CFTR: variants seen among roughly 807,000 people sequenced by gnomAD.
CFTR encodes the protein CF transmembrane conductance regulator.
In CFTR, 181 loss-of-function variants were observed where a neutral mutation model predicts 171.6. The observed-to-expected ratio is 1.05, with a 90% CI of 0.93 to 1.19. The LOEUF (loss-of-function observed/expected upper bound fraction) is 1.19, where lower values mean the gene tolerates loss of function less well. CFTR is among the 50% of genes most tolerant of loss of function. The pLI is 0.00. For synonymous variants in CFTR, 583 were observed against 608.0 expected (o/e 0.96, Z 0.60); for missense variants, 1,968 against 1,734.7 (o/e 1.13, Z -2.39).
chr7:117,655,874 A>G (rs1229103253), intron 24 of CFTR, among the ~76,000 whole-genome samples: 1 of 152,124 alleles, frequency 6.6e-6, no homozygotes, highest in Non-Finnish European at 1.5e-5. Flanking sequence ...CTGTGTTGTT[A>G]CATGGCAGAA....
chr7:117,483,844 G>T (rs574404838), intron 1 of CFTR, among the ~76,000 whole-genome samples: 1 of 152,210 alleles, frequency 6.6e-6, no homozygotes, highest in South Asian at 2.1e-4. Context: ...AAAGTGCTGG[G>T]ATTACAGGCG....
At chr7:117,658,493 T>G (rs1584845664) in intron 24 of CFTR, among the ~76,000 whole-genome samples, 1 of 152,188 alleles carries the variant, frequency 6.6e-6, no homozygotes, top group East Asian at 1.9e-4. Context: ...TTGGCTTTAA[T>G]TAATATCTCT....
chr7:117,542,812 T>G (rs1191129761), intron 9 of CFTR, among the ~76,000 whole-genome samples: 3 of 152,156 alleles, frequency 2.0e-5, no homozygotes, highest in Non-Finnish European at 4.4e-5. Context: ...CTTGCAAGTT[T>G]GTTGTGAAGA....
At chr7:117,592,719 T>A (rs1302370916) in intron 14 of CFTR, 62 bp downstream of exon 14, 1 of 1,367,592 alleles carries the variant, frequency 7.3e-7, no homozygotes, top group Non-Finnish European at 9.6e-7. Context: ...GAATGCAATA[T>A]GTAGCATGTA....
intron 22 of CFTR, among the ~76,000 whole-genome samples, chr7:117,633,174 T>C (rs1792776175): frequency 1.3e-5 from 2 of 152,224 alleles, no homozygotes; most frequent in Non-Finnish European, 2.9e-5. Context: ...TTTGTTTGAT[T>C]CTTTGATTTC....
In CFTR at chr7:117,611,794, C is replaced by T. The variant is rs146521846; in HGVS notation, c.3353C>T (p.Ser1118Phe). ...VIFFIAVTFI[S>F]ILTTGEGEGR... ...TTCTTCATTGCTGTTACCTTCATTT[C>T]CATTTTAACAACAGGTACTATGAAC... Residue 1118 changes from serine to phenylalanine, a missense_variant, in exon 20 of 27, where the codon TCC becomes TTC. Physicochemically the swap from Ser to Phe is radical, Grantham distance 155. Coordinates refer to ENST00000003084, the MANE Select transcript of CFTR (RefSeq NM_000492.4). The T allele has an allele frequency of 2.1e-5, 34 of 1,610,154 alleles. No homozygotes were observed. The highest frequency in any genetic ancestry group is 8.8e-5 in the South Asian group (8 of 90,980).
chr7:117,654,670 C>G (rs1584843827), intron 24 of CFTR, among the ~76,000 whole-genome samples: 1 of 152,284 alleles, frequency 6.6e-6, no homozygotes, highest in South Asian at 2.1e-4. Context: ...ATAACTCTTT[C>G]CCTTCCGCCA....
chr7:117,620,517 C>A (rs1171524743), intron 21 of CFTR, among the ~76,000 whole-genome samples: 1 of 152,094 alleles, frequency 6.6e-6, no homozygotes, highest in Non-Finnish European at 1.5e-5. Flanking sequence ...TTCACTGCTG[C>A]AATTGTCAGA....
chr7:117,545,273 A>C (rs552525078), intron 9 of CFTR, among the ~76,000 whole-genome samples: 2 of 152,294 alleles, frequency 1.3e-5, no homozygotes, highest in African/African-American at 4.8e-5. Context: ...ATTATCTCCC[A>C]CTGGGTCCCT....
chr7:117,499,728 G>A (rs1331963153), intron 1 of CFTR, among the ~76,000 whole-genome samples: 2 of 151,688 alleles, frequency 1.3e-5, no homozygotes, highest in Non-Finnish European at 2.9e-5. Context: ...GGCCAAGGCA[G>A]GAGGATCTCT....
intron 6 of CFTR, 61 bp downstream of exon 6, chr7:117,535,472 T>A: frequency 6.7e-7 from 1 of 1,495,674 alleles, no homozygotes; most frequent in Non-Finnish European, 9.3e-7. Context: ...AAGCCCACTT[T>A]AGTAAAACCA....
At chr7:117,646,585 G>A (rs984107184) in intron 23 of CFTR, among the ~76,000 whole-genome samples, 3 of 152,058 alleles carry the variant, frequency 2.0e-5, no homozygotes, top group African/African-American at 7.2e-5. Context: ...ATGGCTTCAC[G>A]AGGAATGGGT....
At chr7:117,621,352 G>A (rs1248726798) in intron 21 of CFTR, among the ~76,000 whole-genome samples, 2 of 152,202 alleles carry the variant, frequency 1.3e-5, no homozygotes, top group African/African-American at 4.8e-5. Context: ...TAAATGCTAA[G>A]ATAGTAAATA....
intron 22 of CFTR, among the ~76,000 whole-genome samples, chr7:117,637,589 C>G (rs970126768): frequency 1.3e-5 from 2 of 152,016 alleles, no homozygotes; most frequent in South Asian, 4.1e-4. Flanking sequence ...GAATAGAATG[C>G]TCTGGGGCCA....
intron 23 of CFTR, chr7:117,647,375 A>G (rs1203520572): frequency 6.6e-6 from 1 of 152,188 alleles, no homozygotes; most frequent in East Asian, 1.9e-4. Context: ...TACGGGAAGC[A>G]TAGCAGCATC....
chr7:117,539,312 T>A (rs999818778), intron 7 of CFTR, among the ~76,000 whole-genome samples: 6 of 152,200 alleles, frequency 3.9e-5, no homozygotes, highest in African/African-American at 1.4e-4. Context: ...GAACGTATAG[T>A]GTAATGTGAT....
At chr7:117,619,349 G>A (rs1250048845) in intron 21 of CFTR, among the ~76,000 whole-genome samples, 1 of 152,186 alleles carries the variant, frequency 6.6e-6, no homozygotes, top group Non-Finnish European at 1.5e-5. Flanking sequence ...GGGTGACAAG[G>A]TGATGCTTCA....
intron 14 of CFTR, among the ~76,000 whole-genome samples, chr7:117,593,835 C>G (rs1285614306): frequency 6.6e-6 from 1 of 152,132 alleles, no homozygotes; most frequent in Non-Finnish European, 1.5e-5. Flanking sequence ...ACCTTGTGAT[C>G]CACCCACCTC....
intron 21 of CFTR, among the ~76,000 whole-genome samples, chr7:117,622,640 T>C (rs1441164766): frequency 1.3e-5 from 2 of 152,190 alleles, no homozygotes; most frequent in East Asian, 1.9e-4. Flanking sequence ...TTTTCTATTA[T>C]GGATTTTGGG....
Sources: allele counts gnomAD v4.1 joint callset (sites outside exome capture counted in the v4.1 genomes callset), GRCh38; gene constraint gnomAD v4.1.1; transcripts MANE v1.5; gene names NCBI Gene and HGNC (gene_info 2026-07-23, HGNC 2026-07-21).